Variants in TSPAN5 observed in about 807,000 individuals in gnomAD.
TSPAN5 encodes the protein tetraspanin 5.
Under a neutral mutation model 37.1 loss-of-function variants are expected in TSPAN5, and 10 were observed. That is an observed-to-expected ratio of 0.27 (90% CI 0.17 to 0.46). TSPAN5 has a LOEUF of 0.46. TSPAN5 is among the 20% of genes least tolerant of loss of function. The pLI, the probability that TSPAN5 is intolerant of heterozygous loss-of-function variation, is 1.00. For missense variants in TSPAN5, 195 were observed against 326.6 expected (o/e 0.60, Z 3.11); for synonymous variants, 110 against 118.9 (o/e 0.93, Z 0.48).
chr4:98,478,923 C>G, intron 4 of TSPAN5, 113 bp from the exon 5 acceptor site: 1 of 1,316,220 alleles, frequency 7.6e-7, no homozygotes, highest in Non-Finnish European at 1.0e-6. Flanking sequence ...CTTTTCTGTC[C>G]TAGACTTTAT....
intron 1 of TSPAN5, among the ~76,000 whole-genome samples, chr4:98,649,419 T>A (rs531118515): frequency 9.2e-5 from 14 of 152,286 alleles, no homozygotes; most frequent in African/African-American, 2.9e-4. Flanking sequence ...GGTTAGGGCT[T>A]CTGATTAGCA....
intron 1 of TSPAN5, among the ~76,000 whole-genome samples, chr4:98,543,174 C>T (rs1411827833): frequency 6.9e-6 from 1 of 145,170 alleles, no homozygotes; most frequent in African/African-American, 2.4e-5. Context: ...TACACACACC[C>T]TCATCATTTT....
intron 1 of TSPAN5, among the ~76,000 whole-genome samples, chr4:98,531,460 A>C (rs1170669850): frequency 6.6e-6 from 1 of 152,196 alleles, no homozygotes; most frequent in Non-Finnish European, 1.5e-5. Context: ...TTCTTCATCC[A>C]GTCTATCACT....
chr4:98,473,616 C>G (rs1399721968), intron 7 of TSPAN5, among the ~76,000 whole-genome samples: 3 of 151,934 alleles, frequency 2.0e-5, no homozygotes, highest in Non-Finnish European at 4.4e-5. Context: ...CCCGCCACCG[C>G]GCCCGGCTAA....
At chr4:98,478,568 A>G in intron 5 of TSPAN5, 117 bp downstream of exon 5, 2 of 1,263,166 alleles carry the variant, frequency 1.6e-6, no homozygotes, top group Non-Finnish European at 2.3e-6. Context: ...TACAGGAGCT[A>G]CAAATACGAG....
chr4:98,566,631 C>T lies in TSPAN5; in HGVS notation c.82-58903G>A, dbSNP rs370380726. ...CAAATTGGTGCTAAGGCACCACAAGCGGCAGGCTTGTTTTCTCCCGCCTGA... is the reference window on the plus strand; with the variant it reads ...CAAATTGGTGCTAAGGCACCACAAGTGGCAGGCTTGTTTTCTCCCGCCTGA... On this transcript the variant is annotated intron_variant, in intron 1 of 7. Transcript: ENST00000305798. Among the ~76,000 whole-genome samples, 16 of 152,276 alleles carry T rather than the reference C, an allele frequency of 1.1e-4. 1 individual carries two copies. Among genetic ancestry groups the T allele is most frequent in the African/African-American group, 3.9e-4 (16 of 41,544 alleles).
intron 1 of TSPAN5, among the ~76,000 whole-genome samples, chr4:98,603,582 G>A (rs1473118303): frequency 6.6e-6 from 1 of 152,162 alleles, no homozygotes; most frequent in Non-Finnish European, 1.5e-5. Flanking sequence ...CAATTCATGG[G>A]AATAAAGTTA....
chr4:98,528,939 G>A (rs1288120091), intron 1 of TSPAN5, among the ~76,000 whole-genome samples: 4 of 152,150 alleles, frequency 2.6e-5, no homozygotes, highest in African/African-American at 9.7e-5. Context: ...CAAAAGGGGA[G>A]AGGTACTGTT....
intron 1 of TSPAN5, among the ~76,000 whole-genome samples, chr4:98,529,491 G>A (rs1754035288): frequency 9.8e-6 from 1 of 101,854 alleles, no homozygotes; most frequent in Non-Finnish European, 1.9e-5. Flanking sequence ...GCACAGTTAC[G>A]AACTTGTGTC....
At chr4:98,626,944 C>T (rs993098133) in intron 1 of TSPAN5, among the ~76,000 whole-genome samples, 6 of 131,956 alleles carry the variant, frequency 4.5e-5, no homozygotes, top group South Asian at 2.4e-4. Context: ...CCATTTGGCA[C>T]GTAATAGACA....
chr4:98,572,267 G>C (rs1755140911), intron 1 of TSPAN5, among the ~76,000 whole-genome samples: 1 of 152,108 alleles, frequency 6.6e-6, no homozygotes, highest in Non-Finnish European at 1.5e-5. Flanking sequence ...CACCACACTG[G>C]GGCAGAGGGA....
chr4:98,616,957 G>A (rs1336574291), intron 1 of TSPAN5, among the ~76,000 whole-genome samples: 4 of 150,106 alleles, frequency 2.7e-5, no homozygotes, highest in Non-Finnish European at 4.4e-5. Flanking sequence ...CCGAGTAGCT[G>A]GGACTACAAG....
At chr4:98,624,549 T>A (rs1218251350) in intron 1 of TSPAN5, among the ~76,000 whole-genome samples, 1 of 152,176 alleles carries the variant, frequency 6.6e-6, no homozygotes, top group Admixed American at 6.5e-5. Flanking sequence ...GTAGAGGAGG[T>A]GTAAAATTTT....
At chr4:98,576,133 T>C (rs944312184) in intron 1 of TSPAN5, among the ~76,000 whole-genome samples, 1 of 152,132 alleles carries the variant, frequency 6.6e-6, no homozygotes, top group African/African-American at 2.4e-5. Context: ...ACTTAGGTTA[T>C]TCTGTTGCTT....
chr4:98,507,014 T>C (rs1362973851), intron 2 of TSPAN5, among the ~76,000 whole-genome samples: 1 of 152,164 alleles, frequency 6.6e-6, no homozygotes. Flanking sequence ...CATGAGTGCG[T>C]TGCTTAGAGC....
intron 1 of TSPAN5, chr4:98,509,936 CT>C (rs1753567699): frequency 6.6e-6 from 1 of 152,232 alleles, no homozygotes; most frequent in Non-Finnish European, 1.5e-5. Flanking sequence ...AAATGGCTGA[CT>C]TTCCAATGCT....
At chr4:98,639,573 C>T (rs1444776910) in intron 1 of TSPAN5, among the ~76,000 whole-genome samples, 1 of 151,338 alleles carries the variant, frequency 6.6e-6, no homozygotes, top group Non-Finnish European at 1.5e-5. Flanking sequence ...CCTCCCACCT[C>T]AGCTTCTCAA....
At chr4:98,637,429 G>T (rs1250715669) in intron 1 of TSPAN5, among the ~76,000 whole-genome samples, 2 of 152,060 alleles carry the variant, frequency 1.3e-5, no homozygotes, top group African/African-American at 4.8e-5. Flanking sequence ...GGTCTCAACT[G>T]ATGACCACAG....
intron 1 of TSPAN5, among the ~76,000 whole-genome samples, chr4:98,565,134 A>G (rs1216083664): frequency 1.3e-5 from 2 of 152,148 alleles, no homozygotes; most frequent in Non-Finnish European, 2.9e-5. Context: ...GGCTCGTCAT[A>G]TCCTTTGTGA....
Sources: allele counts gnomAD v4.1 joint callset (sites outside exome capture counted in the v4.1 genomes callset), GRCh38; gene constraint gnomAD v4.1.1; transcripts MANE v1.5; gene names NCBI Gene and HGNC (gene_info 2026-07-23, HGNC 2026-07-21).